ICA1: variants seen among roughly 807,000 people sequenced by gnomAD.
The protein encoded by ICA1 is 69 kDa islet cell autoantigen.
In ICA1, 40 loss-of-function variants were observed where a neutral mutation model predicts 71.0. The ratio of observed to expected loss-of-function variants is 0.56; its 90% CI spans 0.44 to 0.73. The LOEUF is 0.73. Ranked by LOEUF, ICA1 falls within the 30% of genes least tolerant of loss-of-function variation. The pLI, the probability that ICA1 is intolerant of heterozygous loss-of-function variation, is 0.00. For missense variants in ICA1, 578 were observed against 576.5 expected (o/e 1.00, Z -0.03); for synonymous variants, 207 against 209.5 (o/e 0.99, Z 0.10).
intron 1 of ICA1, among the ~76,000 whole-genome samples, chr7:8,243,750 A>G (rs1804850616): frequency 6.6e-6 from 1 of 152,230 alleles, no homozygotes; most frequent in Non-Finnish European, 1.5e-5. Flanking sequence ...TGCAAAAATC[A>G]TAAGCGTTCC....
chr7:8,246,239 A>G (rs1583770795), intron 1 of ICA1, among the ~76,000 whole-genome samples: 1 of 152,366 alleles, frequency 6.6e-6, no homozygotes, highest in South Asian at 2.1e-4. Flanking sequence ...ACTTGATCGC[A>G]TGAATGTTTG....
At chr7:8,118,439 T>C (rs1785487826) in intron 13 of ICA1, among the ~76,000 whole-genome samples, 1 of 152,200 alleles carries the variant, frequency 6.6e-6, no homozygotes, top group Non-Finnish European at 1.5e-5. Context: ...CAATATAAAG[T>C]TACCCGAAAT....
chr7:8,144,787 C>T lies in ICA1; in HGVS notation c.805-815G>A, dbSNP rs2128134787. On this transcript the variant is annotated intron_variant, in intron 8 of 13. Coordinates refer to ENST00000402384, the MANE Select transcript of ICA1 (RefSeq NM_001136020.3). This position sits in a 1 kb window ranked among gnomAD's most constrained non-coding sequence, Gnocchi z 4.5. Reference sequence around the variant, plus strand: ...TAATTAAAATACAAACCTATAAATACAAAATAAACATCTCAGGATACTTAT... The same window carrying T: ...TAATTAAAATACAAACCTATAAATATAAAATAAACATCTCAGGATACTTAT... Among the ~76,000 whole-genome samples the T allele has an allele frequency of 6.6e-6, 1 of 152,238 alleles. No homozygotes were observed. Among genetic ancestry groups the T allele is most frequent in the South Asian group, 2.1e-4 (1 of 4,820 alleles).
chr7:8,247,609 T>C (rs1358326649), intron 1 of ICA1, among the ~76,000 whole-genome samples: 1 of 152,200 alleles, frequency 6.6e-6, no homozygotes, highest in African/African-American at 2.4e-5. Context: ...CAGAGTTTGA[T>C]TCATTGCCAC....
intron 13 of ICA1, among the ~76,000 whole-genome samples, chr7:8,118,182 G>C (rs1047654643): frequency 1.3e-5 from 2 of 152,150 alleles, no homozygotes; most frequent in African/African-American, 2.4e-5. Flanking sequence ...TTCATTTTAG[G>C]CAAATGGCAC....
chr7:8,134,733 T>G (rs1264182866), intron 12 of ICA1, among the ~76,000 whole-genome samples: 2 of 152,168 alleles, frequency 1.3e-5, no homozygotes, highest in Non-Finnish European at 2.9e-5. Context: ...TGTACTTGTT[T>G]GGAACTCAAG....
chr7:8,251,902 T>G (rs1808325120), intron 1 of ICA1, among the ~76,000 whole-genome samples: 1 of 152,206 alleles, frequency 6.6e-6, no homozygotes, highest in Admixed American at 6.5e-5. Context: ...TTGCTCCTCT[T>G]TCTTTTGCTT....
At chr7:8,250,612 G>A (rs987723067) in intron 1 of ICA1, among the ~76,000 whole-genome samples, 1 of 152,206 alleles carries the variant, frequency 6.6e-6, no homozygotes, top group African/African-American at 2.4e-5. Context: ...TCCCCTCACT[G>A]CACTCCAGCC....
intron 8 of ICA1, among the ~76,000 whole-genome samples, chr7:8,153,306 C>T (rs1418044368): frequency 6.6e-6 from 1 of 152,218 alleles, no homozygotes; most frequent in African/African-American, 2.4e-5. Context: ...AATACAGGCA[C>T]TCTGATCTCC....
intron 6 of ICA1, among the ~76,000 whole-genome samples, chr7:8,209,207 A>G (rs1583264542): frequency 6.6e-6 from 1 of 152,358 alleles, no homozygotes; most frequent in South Asian, 2.1e-4. Context: ...TTAAACAATT[A>G]GAGAAATGTC....
chr7:8,210,798 T>C (rs1793495815), intron 6 of ICA1, among the ~76,000 whole-genome samples: 1 of 152,184 alleles, frequency 6.6e-6, no homozygotes, highest in Non-Finnish European at 1.5e-5. Context: ...TACTGCAATC[T>C]CTGCCACCCA....
In ICA1 at chr7:8,234,681, T is replaced by C. The variant is rs1184475846; in HGVS notation, c.17+1229A>G. 2.6e-5 allele frequency among the ~76,000 whole-genome samples: 4 copies of C among 152,342 alleles called. No individual in the cohort carries two copies. The East Asian group carries it at 7.7e-4, about 29-fold the overall frequency. On this transcript the variant is annotated intron_variant, in intron 2 of 13. Coordinates refer to ENST00000402384, the MANE Select transcript of ICA1 (RefSeq NM_001136020.3). The surrounding 1 kb of genome is among the most constrained non-coding windows in gnomAD (Gnocchi z 4.5). ...GAAGTAGGATTATGGGAGACTTTCA[T>C]GGTCTACTTTATATCTTTCTGCATT...
intron 6 of ICA1, among the ~76,000 whole-genome samples, chr7:8,161,664 G>C (rs1409685680): frequency 6.6e-6 from 1 of 152,144 alleles, no homozygotes; most frequent in East Asian, 1.9e-4. Context: ...TGCAAGAGAC[G>C]TGAGGAGGAG....
intron 6 of ICA1, among the ~76,000 whole-genome samples, chr7:8,194,545 G>A (rs2128308101): frequency 6.6e-6 from 1 of 152,188 alleles, no homozygotes; most frequent in Admixed American, 6.5e-5. Flanking sequence ...AAAGTCCCTT[G>A]AGCCATCAAA....
chr7:8,123,059 C>T lies in ICA1; in HGVS notation c.1330+4814G>A, dbSNP rs1438921142. Among the ~76,000 whole-genome samples, 1 of 152,198 alleles carries T rather than the reference C, an allele frequency of 6.6e-6. No individual in the cohort carries two copies. The highest frequency in any genetic ancestry group is 1.5e-5 in the Non-Finnish European group (1 of 68,028). On this transcript the variant is annotated intron_variant, in intron 13 of 13. Coordinates refer to ENST00000402384, the MANE Select transcript of ICA1 (RefSeq NM_001136020.3). The surrounding 1 kb of genome is among the most constrained non-coding windows in gnomAD (Gnocchi z 4.1). ...CTCACACAAAGTGGCCTTGGGAAGG[C>T]ACAATTTTCTCATCACTGCATGACA...
chr7:8,203,648 A>T (rs578211638), intron 6 of ICA1, among the ~76,000 whole-genome samples: 30 of 152,228 alleles, frequency 2.0e-4, no homozygotes, highest in Middle Eastern at 3.4e-3. Flanking sequence ...CTTACACTCA[A>T]CTCAGGCCAG....
Position 8,221,351 on chromosome 7 carries a change from C to G in ICA1, c.304G>C (p.Gly102Arg). ...NELGKFLRSQ[G>R]FQDKTRAGKM... ...CCTGCTCTGGTTTTATCTTGGAAAC[C>G]TTGGGATCGAAGAAATTTTCCCAGT... The change falls in exon 5 of 14, where the codon GGT (glycine) becomes CGT (arginine). Residue 102 changes from glycine to arginine, a missense_variant. Transcript: ENST00000402384. 6.2e-7 allele frequency: 1 copy of G among 1,613,646 alleles called. No individual in the cohort carries two copies. Among genetic ancestry groups the G allele is most frequent in the South Asian group, 1.1e-5 (1 of 91,078 alleles).
At chr7:8,177,747 A>C (rs1042855535) in intron 6 of ICA1, among the ~76,000 whole-genome samples, 3 of 152,164 alleles carry the variant, frequency 2.0e-5, no homozygotes, top group Admixed American at 2.0e-4. Context: ...TCAACCAATA[A>C]ATTAACAGGT....
chr7:8,122,856 A>G (rs1399042219), intron 13 of ICA1, among the ~76,000 whole-genome samples: 1 of 152,274 alleles, frequency 6.6e-6, no homozygotes, highest in Non-Finnish European at 1.5e-5. Flanking sequence ...TTCGGTTTGC[A>G]GAGTCCTAAA....
Sources: allele counts gnomAD v4.1 joint callset (sites outside exome capture counted in the v4.1 genomes callset), GRCh38; gene constraint gnomAD v4.1.1; non-coding constraint Gnocchi (gnomAD v3.1); transcripts MANE v1.5; gene names NCBI Gene and HGNC (gene_info 2026-07-23, HGNC 2026-07-21).